The following GRK4 variants were observed in gnomAD, a reference collection of about 807,000 sequenced individuals.
The protein encoded by GRK4 is G protein-coupled receptor kinase 2-like.
In GRK4, 73 loss-of-function variants were observed where a neutral mutation model predicts 77.9. The observed-to-expected ratio is 0.94, with a 90% confidence interval of 0.78 to 1.14. The LOEUF (loss-of-function observed/expected upper bound fraction) is 1.14. Among genes scored for constraint, GRK4 ranks in the 50% most tolerant of loss-of-function variants. The pLI is 0.00. For synonymous variants in GRK4, 257 were observed against 254.4 expected (o/e 1.01, Z -0.10); for missense variants, 729 against 700.2 (o/e 1.04, Z -0.46).
At chr4:2,989,362 T>C (rs749485897) in intron 3 of GRK4, among the ~76,000 whole-genome samples, 4 of 152,342 alleles carry the variant, frequency 2.6e-5, no homozygotes, top group Middle Eastern at 6.8e-3. Context: ...CTTTGAAACT[T>C]GAGGCTTGAA....
chr4:2,964,147 A>T (rs1184317466), intron 1 of GRK4, 25 bp downstream of exon 1: 1 of 933,956 alleles, frequency 1.1e-6, no homozygotes, highest in African/African-American at 2.0e-5. Flanking sequence ...GGCGCCCCCG[A>T]CCCCCCCCCC....
rs45538934 is a variant in GRK4 at position 3,009,659 on chromosome 4, C to G, written c.548C>G (p.Thr183Arg). The G allele has an allele frequency of 2.4e-5, 38 of 1,613,396 alleles. No homozygotes were observed. The East Asian group carries it at 7.8e-4, about 33-fold the overall frequency. The change falls in exon 7 of 16, where the codon ACA becomes AGA. Residue 183 changes from threonine to arginine, a missense_variant. By Grantham distance (71) the Thr-to-Arg change is moderately conservative. Transcript: ENST00000398052. ...QWKWLERQPV[T>R]KNTFRHYRVL... ...TTCTCATTGATTAGGCAACCCGTAA[C>G]AAAGAACACATTTAGACATTACAGA...
At chr4:3,003,733 T>TGTTTG (rs987731274) in intron 4 of GRK4, among the ~76,000 whole-genome samples, 11 of 152,078 alleles carry the variant, frequency 7.2e-5, no homozygotes, top group Non-Finnish European at 1.6e-4. Context: ...TGTGTTTTTT[T>TGTTTG]GTTTGGTTTG....
intron 1 of GRK4, among the ~76,000 whole-genome samples, chr4:2,974,324 T>C (rs368866354): frequency 3.3e-5 from 5 of 152,382 alleles, no homozygotes; most frequent in African/African-American, 1.2e-4. Context: ...CTAGAACAGT[T>C]CCTGGCACAC....
At chr4:2,969,429 T>G (rs1577927130) in intron 1 of GRK4, 1 of 150,406 alleles carries the variant, frequency 6.6e-6, no homozygotes, top group Admixed American at 6.7e-5. Flanking sequence ...CAGGCTGGAG[T>G]GCAATGGCAC....
chr4:2,971,663 G>A (rs73792110), intron 1 of GRK4, among the ~76,000 whole-genome samples: 3 of 152,178 alleles, frequency 2.0e-5, no homozygotes, highest in Admixed American at 6.5e-5. Flanking sequence ...GATGTCTCCC[G>A]CAACAGACAT....
intron 4 of GRK4, 64 bp from the exon 5 acceptor site, chr4:3,004,167 G>T: frequency 8.6e-7 from 1 of 1,156,814 alleles, no homozygotes; most frequent in South Asian, 1.3e-5. Flanking sequence ...TAAGCATTAG[G>T]TTCTGTTCAC....
chr4:3,039,697 T>TA (rs1199678896), intron 15 of GRK4, among the ~76,000 whole-genome samples: 2 of 65,726 alleles, frequency 3.0e-5, no homozygotes, highest in African/African-American at 9.7e-5. Flanking sequence ...AAACTCTGTC[T>TA]TAAAAAAAAA....
chr4:3,006,485 A>G (rs1226609070), intron 5 of GRK4, among the ~76,000 whole-genome samples: 1 of 152,052 alleles, frequency 6.6e-6, no homozygotes, highest in Non-Finnish European at 1.5e-5. Flanking sequence ...CTGCTTTCCA[A>G]AAAGATGTCT....
At chr4:2,972,652 C>A (rs1015078727) in intron 1 of GRK4, among the ~76,000 whole-genome samples, 2 of 152,032 alleles carry the variant, frequency 1.3e-5, no homozygotes, top group African/African-American at 4.8e-5. Flanking sequence ...CAGGTCTAGT[C>A]ATATGTGGCG....
chr4:3,020,407 C>T (rs1209218833), intron 9 of GRK4, among the ~76,000 whole-genome samples: 1 of 152,080 alleles, frequency 6.6e-6, no homozygotes, highest in East Asian at 1.9e-4. Flanking sequence ...AAGAAGAGCC[C>T]ATTTCCAAGG....
chr4:2,990,723 C>T (rs1461354434), intron 3 of GRK4, among the ~76,000 whole-genome samples: 2 of 152,178 alleles, frequency 1.3e-5, no homozygotes, highest in African/African-American at 4.8e-5. Flanking sequence ...AATAGCTAAA[C>T]TGCATTGTTG....
At position 2,988,857 on chromosome 4, in the gene GRK4, A is replaced by G; in HGVS notation, c.261+18A>G. 7.1e-7 allele frequency: 1 copy of G among 1,418,350 alleles called. No individual in the cohort carries two copies. Among genetic ancestry groups the G allele is most frequent in the South Asian group, 1.1e-5 (1 of 87,354 alleles). 87.9% of individuals were successfully genotyped at this position (1,418,350 alleles called of 1,614,324 possible). ...ATGCAGTGGTGAGCAGTTTATCTCC[A>G]TATTGAGCAACCACCCAATCTTATG... On this transcript the variant is annotated intron_variant, in intron 3 of 15. Transcript: ENST00000398052.
chr4:2,967,678 C>A (rs1378074670), intron 1 of GRK4, among the ~76,000 whole-genome samples: 2 of 152,120 alleles, frequency 1.3e-5, no homozygotes, highest in Non-Finnish European at 2.9e-5. Context: ...GGATTACAGG[C>A]GTGAGCCACT....
intron 11 of GRK4, among the ~76,000 whole-genome samples, chr4:3,028,924 G>A (rs969936554): frequency 1.1e-4 from 17 of 151,976 alleles, no homozygotes; most frequent in African/African-American, 3.9e-4. Flanking sequence ...GGCGCCTGCC[G>A]CCATACCTGG....
At chr4:2,991,864 A>G (rs1431347622) in intron 3 of GRK4, among the ~76,000 whole-genome samples, 1 of 152,062 alleles carries the variant, frequency 6.6e-6, no homozygotes, top group Admixed American at 6.6e-5. Flanking sequence ...GTATTATGGG[A>G]AGTATTGCTC....
intron 14 of GRK4, among the ~76,000 whole-genome samples, chr4:3,037,906 C>A (rs1420656119): frequency 6.8e-6 from 1 of 146,516 alleles, no homozygotes; most frequent in African/African-American, 2.6e-5. Context: ...CAGAACGAGA[C>A]TTCGTCTCAC....
chr4:3,005,488 T>G (rs1474909019), intron 5 of GRK4, among the ~76,000 whole-genome samples: 1 of 152,084 alleles, frequency 6.6e-6, no homozygotes, highest in African/African-American at 2.4e-5. Flanking sequence ...CCCTGATGCT[T>G]TAATGATGCG....
chr4:3,033,259 TG>T, intron 12 of GRK4, among the ~76,000 whole-genome samples: 1 of 152,150 alleles, frequency 6.6e-6, no homozygotes, highest in East Asian at 1.9e-4. Context: ...GAAAGAAAGA[TG>T]GAGCCTTCTC....
Sources: allele counts gnomAD v4.1 joint callset (sites outside exome capture counted in the v4.1 genomes callset), GRCh38; gene constraint gnomAD v4.1.1; transcripts MANE v1.5; gene names NCBI Gene and HGNC (gene_info 2026-07-23, HGNC 2026-07-21).